ABCC4: variants seen among roughly 807,000 people sequenced by gnomAD.
ABCC4 encodes the protein ATP-binding cassette sub-family C member 4.
ABCC4 carries 102 observed loss-of-function variants against 168.5 expected under a neutral mutation model. The ratio of observed to expected loss-of-function variants is 0.61; its 90% CI spans 0.52 to 0.71. The LOEUF is 0.71. Among genes scored for constraint, ABCC4 ranks in the 30% least tolerant of loss-of-function variants. ABCC4 has a pLI of 0.00. For synonymous variants in ABCC4, 617 were observed against 590.7 expected (o/e 1.04, Z -0.65); for missense variants, 1,402 against 1,605.8 (o/e 0.87, Z 2.17).
chr13:95,249,245 A>G (rs1430037558), intron 1 of ABCC4, among the ~76,000 whole-genome samples: 3 of 142,680 alleles, frequency 2.1e-5, no homozygotes, highest in Non-Finnish European at 4.6e-5. Context: ...GAAGAAACAT[A>G]TTTGTGCCCT....
At chr13:95,223,174 T>A (rs973224972) in intron 4 of ABCC4, among the ~76,000 whole-genome samples, 4 of 152,192 alleles carry the variant, frequency 2.6e-5, no homozygotes, top group East Asian at 1.9e-4. Flanking sequence ...TTCAGCCAGT[T>A]AATATGGTAT....
intron 29 of ABCC4, among the ~76,000 whole-genome samples, chr13:95,036,764 C>T (rs1465072731): frequency 1.3e-5 from 2 of 152,022 alleles, no homozygotes; most frequent in African/African-American, 2.4e-5. Flanking sequence ...AAACCGACCT[C>T]TTTAATATTT....
chr13:95,174,288 A>C (rs1313419572), intron 13 of ABCC4, among the ~76,000 whole-genome samples: 1 of 152,238 alleles, frequency 6.6e-6, no homozygotes, highest in Non-Finnish European at 1.5e-5. Context: ...GATTGAAGTA[A>C]AACTGTTAAT....
At chr13:95,276,099 GAATCTCAGGGCACTTTTTAAAACA>G (rs2040964187) in intron 1 of ABCC4, among the ~76,000 whole-genome samples, 1 of 152,160 alleles carries the variant, frequency 6.6e-6, no homozygotes, top group Non-Finnish European at 1.5e-5. Flanking sequence ...ACTCCATAGT[GAATCTCAGGGCACTTTTTAAAACA>G]AATCTCAGGG....
intron 19 of ABCC4, among the ~76,000 whole-genome samples, chr13:95,122,601 C>T (rs1165912512): frequency 1.3e-5 from 2 of 152,240 alleles, no homozygotes; most frequent in East Asian, 3.9e-4. Flanking sequence ...TCCTCCTGGC[C>T]GTGTGTCCCT....
intron 19 of ABCC4, among the ~76,000 whole-genome samples, chr13:95,134,278 C>T (rs182843727): frequency 6.0e-4 from 92 of 152,200 alleles, no homozygotes; most frequent in Non-Finnish European, 9.9e-4. Context: ...AAGACAGTGA[C>T]GTACAAACAT....
chr13:95,163,233 G>GA lies in ABCC4; in HGVS notation c.2214-18dup. 6.7e-7 allele frequency: 1 copy of GA among 1,488,196 alleles called. No individual in the cohort carries two copies. The highest frequency in any genetic ancestry group is 9.2e-7 in the Non-Finnish European group (1 of 1,082,244). 92.2% of individuals were successfully genotyped at this position (1,488,196 alleles called of 1,614,324 possible). ...TTGTTTGCCCTATGGAACATGGGGAGAAAAAAATATTAAGCTATATATGAA... is the reference window on the plus strand; with the variant it reads ...TTGTTTGCCCTATGGAACATGGGGAGAAAAAAAATATTAAGCTATATATGAA... On this transcript the variant is annotated splice_polypyrimidine_tract_variant and intron_variant, in intron 17 of 30. Coordinates refer to ENST00000645237, the MANE Select transcript of ABCC4 (RefSeq NM_005845.5).
intron 4 of ABCC4, among the ~76,000 whole-genome samples, chr13:95,218,045 T>A (rs1341747002): frequency 6.6e-6 from 1 of 152,234 alleles, no homozygotes; most frequent in Non-Finnish European, 1.5e-5. Context: ...ACGTTCTGAA[T>A]AAGCATATAA....
At chr13:95,257,694 GAA>G (rs1358744649) in intron 1 of ABCC4, among the ~76,000 whole-genome samples, 1 of 151,654 alleles carries the variant, frequency 6.6e-6, no homozygotes. Flanking sequence ...GAAAAAAAAA[GAA>G]AATCTGCACA....
At chr13:95,182,019 G>A (rs927767254) in intron 11 of ABCC4, among the ~76,000 whole-genome samples, 16 of 151,914 alleles carry the variant, frequency 1.1e-4, no homozygotes, top group Admixed American at 2.0e-4. Context: ...CATACTCCTG[G>A]CCTCAAGCAA....
intron 21 of ABCC4, among the ~76,000 whole-genome samples, chr13:95,076,575 C>T (rs901820374): frequency 6.6e-6 from 1 of 151,288 alleles, no homozygotes; most frequent in Non-Finnish European, 1.5e-5. Context: ...AGCGATTCTC[C>T]TGCCTCAGCC....
chr13:95,022,658 T>C (rs1214422625), intron 30 of ABCC4, among the ~76,000 whole-genome samples: 1 of 152,218 alleles, frequency 6.6e-6, no homozygotes, highest in Non-Finnish European at 1.5e-5. Flanking sequence ...AGCAACTATC[T>C]GAGGCTGACA....
chr13:95,243,404 T>C (rs1297219454), intron 3 of ABCC4, among the ~76,000 whole-genome samples: 1 of 152,200 alleles, frequency 6.6e-6, no homozygotes, highest in Non-Finnish European at 1.5e-5. Context: ...AACAGGGAAC[T>C]TGACATCCGC....
rs149163173 is a variant in ABCC4 at position 95,052,003 on chromosome 13, C to T, written c.3456+1092G>A. On this transcript the variant is annotated intron_variant, in intron 27 of 30. Transcript: ENST00000645237. ...ATTTATTTATTTATTTATTTTGAGA[C>T]GGAGTCTTGCTCTGTCGCCCAGATG... Among the ~76,000 whole-genome samples, 297 of 151,130 alleles carry T rather than the reference C, an allele frequency of 2.0e-3. 3 individuals are homozygous for T. Among genetic ancestry groups the T allele is most frequent in the African/African-American group, 6.8e-3 (279 of 41,102 alleles).
At chr13:95,105,870 G>T (rs1049612481) in intron 20 of ABCC4, among the ~76,000 whole-genome samples, 3 of 152,164 alleles carry the variant, frequency 2.0e-5, no homozygotes, top group African/African-American at 7.2e-5. Flanking sequence ...TTTTTCAGGT[G>T]ACCGCAAAGA....
chr13:95,052,208 T>C (rs888934329), intron 27 of ABCC4, among the ~76,000 whole-genome samples: 1 of 152,116 alleles, frequency 6.6e-6, no homozygotes, highest in Non-Finnish European at 1.5e-5. Context: ...CTCAAACTTC[T>C]GACCTCCAGT....
At chr13:95,149,237 T>C (rs1313538421) in intron 19 of ABCC4, among the ~76,000 whole-genome samples, 3 of 152,164 alleles carry the variant, frequency 2.0e-5, no homozygotes, top group Non-Finnish European at 4.4e-5. Context: ...GATCCTGAAA[T>C]GTATGTGTTG....
intron 4 of ABCC4, among the ~76,000 whole-genome samples, chr13:95,225,360 G>T (rs530559844): frequency 6.6e-6 from 1 of 152,208 alleles, no homozygotes; most frequent in African/African-American, 2.4e-5. Context: ...ACAACAAACG[G>T]TAAGTGAAAA....
intron 20 of ABCC4, among the ~76,000 whole-genome samples, chr13:95,090,465 A>T (rs1441788113): frequency 1.3e-5 from 2 of 152,300 alleles, no homozygotes; most frequent in East Asian, 3.9e-4. Context: ...CTCTGCAGAC[A>T]ACCGCCAGTG....
Sources: allele counts gnomAD v4.1 joint callset (sites outside exome capture counted in the v4.1 genomes callset), GRCh38; gene constraint gnomAD v4.1.1; transcripts MANE v1.5; gene names NCBI Gene and HGNC (gene_info 2026-07-23, HGNC 2026-07-21).